Variants in BCAS3 observed in about 807,000 individuals in gnomAD.
The protein encoded by BCAS3 is BCAS3 microtubule associated cell migration factor.
BCAS3 carries 53 observed loss-of-function variants against 116.1 expected under a neutral mutation model. The ratio of observed to expected loss-of-function variants is 0.46; its 90% CI spans 0.37 to 0.57. BCAS3 has a LOEUF of 0.57. BCAS3 is among the 20% of genes least tolerant of loss of function. The pLI, the probability that BCAS3 is intolerant of heterozygous loss-of-function variation, is 0.00. For synonymous variants in BCAS3, 391 were observed against 408.2 expected, an observed-to-expected ratio of 0.96 and a Z score of 0.51; for missense variants, 917 against 1,165.4, an observed-to-expected ratio of 0.79 and a Z score of 3.10.
chr17:61,006,243 T>C (rs574939230), intron 15 of BCAS3, among the ~76,000 whole-genome samples: 1 of 152,236 alleles, frequency 6.6e-6, no homozygotes, highest in East Asian at 1.9e-4. Context: ...TATACATTCT[T>C]TAATGTATAG....
rs374534547 is a variant in BCAS3 at position 60,815,793 on chromosome 17, CT to C, written c.476+7719del. Reference sequence around the variant, plus strand: ...GCCACACATAATCATGAAGTGTCTGCTTAGAGACATTCTTCAGTTTCACATG... The same window carrying C: ...GCCACACATAATCATGAAGTGTCTGCTAGAGACATTCTTCAGTTTCACATG... On this transcript the variant is annotated intron_variant, in intron 7 of 23. Transcript: ENST00000407086. Among the ~76,000 whole-genome samples the C allele has an allele frequency of 2.0e-3, 303 of 152,292 alleles. 2 individuals are homozygous for C. Among genetic ancestry groups the C allele is most frequent in the African/African-American group, 6.8e-3 (284 of 41,568 alleles).
intron 22 of BCAS3, among the ~76,000 whole-genome samples, chr17:61,146,191 C>T (rs2077198696): frequency 6.6e-6 from 1 of 151,164 alleles, no homozygotes; most frequent in South Asian, 2.1e-4. Flanking sequence ...ACTGCAACCT[C>T]CACCTCCTGG....
intron 5 of BCAS3, among the ~76,000 whole-genome samples, chr17:60,746,988 G>C (rs2042061483): frequency 6.6e-6 from 1 of 152,048 alleles, no homozygotes; most frequent in African/African-American, 2.4e-5. Flanking sequence ...TTCATATCAA[G>C]TGTGTGCTCT....
rs2063472799 is a variant in BCAS3, at chr17:60,990,706, G to A, written c.1486+471G>A. On this transcript the variant is annotated intron_variant, in intron 15 of 23. Coordinates refer to ENST00000407086, the MANE Select transcript of BCAS3 (RefSeq NM_017679.5). This position sits in a 1 kb window ranked among gnomAD's most constrained non-coding sequence, Gnocchi z 5.1. Reference sequence around the variant, plus strand: ...CTGTAGCCTGGGCTGGCATGCAATGGCGTGATCTCGGCTGACTGCAACCTC... The same window carrying A: ...CTGTAGCCTGGGCTGGCATGCAATGACGTGATCTCGGCTGACTGCAACCTC... Among the ~76,000 whole-genome samples the A allele has an allele frequency of 1.3e-5, 2 of 151,916 alleles. No individual in the cohort carries two copies. The highest frequency in any genetic ancestry group is 1.3e-4 in the Admixed American group (2 of 15,240).
At chr17:61,153,663 A>G (rs2077666004) in intron 22 of BCAS3, among the ~76,000 whole-genome samples, 1 of 152,222 alleles carries the variant, frequency 6.6e-6, no homozygotes, top group African/African-American at 2.4e-5. Flanking sequence ...AAGGTCCTTA[A>G]GATTAATTAT....
At chr17:61,246,119 A>G (rs1438713564) in intron 22 of BCAS3, among the ~76,000 whole-genome samples, 1 of 152,126 alleles carries the variant, frequency 6.6e-6, no homozygotes, top group Non-Finnish European at 1.5e-5. Flanking sequence ...GAGTCTTACA[A>G]CTATCACGAC....
At chr17:60,698,994 G>T (rs1051433941) in intron 4 of BCAS3, among the ~76,000 whole-genome samples, 7 of 152,126 alleles carry the variant, frequency 4.6e-5, no homozygotes, top group African/African-American at 1.4e-4. Flanking sequence ...GGAGGCAGAG[G>T]TTGCAGTGAG....
At chr17:60,785,706 A>G (rs1037361332) in intron 6 of BCAS3, among the ~76,000 whole-genome samples, 3 of 152,200 alleles carry the variant, frequency 2.0e-5, no homozygotes, top group East Asian at 1.9e-4. Flanking sequence ...ATACAGAGCA[A>G]TGTGTACACT....
At chr17:61,127,050 G>A (rs2076082149) in intron 22 of BCAS3, among the ~76,000 whole-genome samples, 1 of 152,034 alleles carries the variant, frequency 6.6e-6, no homozygotes, top group Admixed American at 6.6e-5. Flanking sequence ...AGAAAAAAGA[G>A]AGAAAAAAAA....
intron 6 of BCAS3, among the ~76,000 whole-genome samples, chr17:60,766,927 G>A (rs912137917): frequency 2.6e-5 from 4 of 152,214 alleles, no homozygotes; most frequent in African/African-American, 7.2e-5. Context: ...CCCCAGCCAG[G>A]CTTACTGCCT....
intron 22 of BCAS3, among the ~76,000 whole-genome samples, chr17:61,207,833 G>A (rs1303540768): frequency 6.6e-6 from 1 of 152,088 alleles, no homozygotes; most frequent in Non-Finnish European, 1.5e-5. Flanking sequence ...TAAACTAAGA[G>A]AAATAAGGTA....
rs2072102880 is a variant in BCAS3, at chr17:61,077,331, C to T, written c.2131-1002C>T. On this transcript the variant is annotated intron_variant, in intron 20 of 23. Transcript: ENST00000407086. This position sits in a 1 kb window ranked among gnomAD's most constrained non-coding sequence, Gnocchi z 4.3. The stretch of plus-strand genomic sequence containing the variant: ...AGGAGACCAAGACCATCCTGGCTAA[C>T]ACGGTGAAACCCCGTCTCTACTAAA... 6.6e-6 allele frequency among the ~76,000 whole-genome samples: 1 copy of T among 152,102 alleles called. No individual in the cohort carries two copies. The highest frequency in any genetic ancestry group is 1.5e-5 in the Non-Finnish European group (1 of 68,010).
At chr17:60,898,483 T>C (rs1567821301) in intron 10 of BCAS3, among the ~76,000 whole-genome samples, 1 of 152,206 alleles carries the variant, frequency 6.6e-6, no homozygotes, top group Non-Finnish European at 1.5e-5. Flanking sequence ...TAGGGGTATT[T>C]ATTATTTACT....
chr17:61,320,150 A>G (rs1260338463), intron 22 of BCAS3, among the ~76,000 whole-genome samples: 6 of 151,554 alleles, frequency 4.0e-5, no homozygotes, highest in Non-Finnish European at 7.4e-5. Flanking sequence ...TCGGCCTCCC[A>G]AAGTGCTGGG....
chr17:61,063,566 C>T lies in BCAS3; in HGVS notation c.2030-11354C>T, dbSNP rs1484978260. Reference sequence around the variant, plus strand: ...ACAGGCATGAGCCACCATGCCCGGCCTCCTGTTATAGTTCTTTGAAGAAAT... The same window carrying T: ...ACAGGCATGAGCCACCATGCCCGGCTTCCTGTTATAGTTCTTTGAAGAAAT... On this transcript the variant is annotated intron_variant, in intron 19 of 23. Coordinates refer to ENST00000407086, the MANE Select transcript of BCAS3 (RefSeq NM_017679.5). This position sits in a 1 kb window ranked among gnomAD's most constrained non-coding sequence, Gnocchi z 5.3. Among the ~76,000 whole-genome samples, 1 of 152,152 alleles carries T rather than the reference C, an allele frequency of 6.6e-6. No individual in the cohort carries two copies. The highest frequency in any genetic ancestry group is 2.4e-5 in the African/African-American group (1 of 41,434).
At chr17:60,983,937 C>G (rs1188836234) in intron 14 of BCAS3, among the ~76,000 whole-genome samples, 2 of 152,104 alleles carry the variant, frequency 1.3e-5, no homozygotes, top group Non-Finnish European at 2.9e-5. Context: ...TCTTGCTTTT[C>G]TACGACTTTC....
At chr17:61,085,270 G>A (rs182221059) in intron 22 of BCAS3, among the ~76,000 whole-genome samples, 144 of 152,302 alleles carry the variant, frequency 9.5e-4, no homozygotes, top group Non-Finnish European at 1.5e-3. Context: ...CAGCTGGGGA[G>A]CATCTGAAGA....
rs769473890 is a variant in BCAS3 at position 61,013,420 on chromosome 17, G to A, written c.1487-2331G>A. Among the ~76,000 whole-genome samples the A allele has an allele frequency of 1.3e-5, 2 of 152,030 alleles. No individual in the cohort carries two copies. The highest frequency in any genetic ancestry group is 1.3e-4 in the Admixed American group (2 of 15,246). ...AATATTAGCATAGTTGTCTAATAGC[G>A]ATTTTATAATTATTTACATCTATAT... On this transcript the variant is annotated intron_variant, in intron 15 of 23. Transcript: ENST00000407086. The surrounding 1 kb of genome is among the most constrained non-coding windows in gnomAD (Gnocchi z 4.4).
At chr17:61,072,389 A>G (rs551007810) in intron 19 of BCAS3, among the ~76,000 whole-genome samples, 1 of 152,248 alleles carries the variant, frequency 6.6e-6, no homozygotes, top group East Asian at 1.9e-4. Flanking sequence ...AGCTAATCCC[A>G]GACATTATAA....
Sources: allele counts gnomAD v4.1 joint callset (sites outside exome capture counted in the v4.1 genomes callset), GRCh38; gene constraint gnomAD v4.1.1; non-coding constraint Gnocchi (gnomAD v3.1); transcripts MANE v1.5; gene names NCBI Gene and HGNC (gene_info 2026-07-23, HGNC 2026-07-21).